Variants in MTERF3 observed in about 807,000 individuals in gnomAD.
MTERF3 encodes the protein transcription termination factor 3, mitochondrial.
Under a neutral mutation model 40.5 loss-of-function variants are expected in MTERF3, and 40 were observed. That is an observed-to-expected ratio of 0.99 (90% confidence interval 0.77 to 1.29). The LOEUF is 1.29. Among genes scored for constraint, MTERF3 ranks in the 50% most tolerant of loss-of-function variants. The probability of loss-of-function intolerance (pLI) is 0.00; values close to 1 mark genes in which losing one functional copy is unlikely to be tolerated. For missense variants in MTERF3, 452 were observed against 478.2 expected (o/e 0.95, Z 0.51); for synonymous variants, 158 against 166.6 (o/e 0.95, Z 0.40).
intron 1 of MTERF3, among the ~76,000 whole-genome samples, chr8:96,261,194 G>A (rs919081565): frequency 6.6e-6 from 1 of 152,174 alleles, no homozygotes; most frequent in African/African-American, 2.4e-5. Context: ...GAGGTTATGG[G>A]GGCAGCTTCC....
chr8:96,240,976 C>G (rs1809916763), intron 7 of MTERF3, among the ~76,000 whole-genome samples: 1 of 152,154 alleles, frequency 6.6e-6, no homozygotes. Flanking sequence ...AGAACATCTC[C>G]CTTCTCAGTC....
intron 3 of MTERF3, among the ~76,000 whole-genome samples, chr8:96,254,726 G>A (rs1810250226): frequency 6.6e-6 from 1 of 152,120 alleles, no homozygotes; most frequent in African/African-American, 2.4e-5. Flanking sequence ...CTTCATCCTT[G>A]CATTCCAGTT....
intron 4 of MTERF3, among the ~76,000 whole-genome samples, chr8:96,250,500 C>G (rs1182621587): frequency 6.9e-6 from 1 of 144,464 alleles, no homozygotes; most frequent in Non-Finnish European, 1.6e-5. Context: ...CACTTGAGGT[C>G]AGGAGTTCGA....
intron 4 of MTERF3, among the ~76,000 whole-genome samples, chr8:96,250,257 CA>C (rs1209813463): frequency 6.7e-6 from 1 of 148,640 alleles, no homozygotes; most frequent in Non-Finnish European, 1.5e-5. Context: ...ATTGGCCAGA[CA>C]AAAACTACAA....
chr8:96,241,909 C>T (rs1809937867), intron 7 of MTERF3, among the ~76,000 whole-genome samples: 2 of 152,142 alleles, frequency 1.3e-5, no homozygotes, highest in African/African-American at 4.8e-5. Context: ...CTTTCCTTAG[C>T]CTAGTGATTT....
At chr8:96,240,632 C>G (rs972791933) in intron 7 of MTERF3, among the ~76,000 whole-genome samples, 1 of 152,146 alleles carries the variant, frequency 6.6e-6, no homozygotes, top group African/African-American at 2.4e-5. Context: ...CAGCCAGCTA[C>G]AGAAAGAAGA....
chr8:96,253,028 T>C (rs1810214284), intron 3 of MTERF3, among the ~76,000 whole-genome samples: 1 of 152,218 alleles, frequency 6.6e-6, no homozygotes, highest in Admixed American at 6.5e-5. Context: ...TAATACACGA[T>C]TCTAACCTCT....
intron 7 of MTERF3, among the ~76,000 whole-genome samples, chr8:96,242,714 A>C (rs1273405118): frequency 7.2e-5 from 11 of 152,188 alleles, no homozygotes; most frequent in African/African-American, 2.7e-4. Flanking sequence ...CCGCTTCTAA[A>C]TCACTGTAGG....
At chr8:96,242,984 T>C (rs1433156377) in intron 7 of MTERF3, among the ~76,000 whole-genome samples, 3 of 152,354 alleles carry the variant, frequency 2.0e-5, no homozygotes, top group African/African-American at 4.8e-5. Context: ...TTCACAAAAC[T>C]GTAGGCTTCT....
In MTERF3 at chr8:96,246,958, C is replaced by T. The variant is rs150868564; in HGVS notation, c.678-504G>A. ...TTTTTAGGTTAGTATATTTACTGAG[C>T]CCCTCCCCTCCCCTCTTCTATTCTT... On this transcript the variant is annotated intron_variant, in intron 4 of 7. Transcript: ENST00000287025. 1.2e-3 allele frequency among the ~76,000 whole-genome samples: 178 copies of T among 151,662 alleles called. 1 individual carries two copies. Among genetic ancestry groups the T allele is most frequent in the Middle Eastern group, 3.4e-3 (1 of 292 alleles).
Position 96,250,659 on chromosome 8 carries a change from GAAGAAGAAGAAGA to G in MTERF3, c.677+234_677+246del, listed in dbSNP as rs1810149401. Among the ~76,000 whole-genome samples the G allele has an allele frequency of 6.2e-5, 2 of 32,322 alleles. 1 individual carries two copies. Among genetic ancestry groups the G allele is most frequent in the African/African-American group, 2.4e-4 (2 of 8,308 alleles). 21.2% of individuals were successfully genotyped at this position (32,322 alleles called of 152,430 possible). Reference sequence around the variant, plus strand: ...AGAAGAAGAAGAAGAAGAAGAAGAAGAAGAAGAAGAAGAAGAAGAAGAAGGAGGAGGAGGAGGG... The same window carrying G: ...AGAAGAAGAAGAAGAAGAAGAAGAAGAGAAGAAGAAGGAGGAGGAGGAGGG... On this transcript the variant is annotated intron_variant, in intron 4 of 7. Coordinates refer to ENST00000287025, the MANE Select transcript of MTERF3 (RefSeq NM_015942.5).
chr8:96,250,499 TCAGGAGTTCGAGAACAGCCTGGCCA>T (rs1483527637), intron 4 of MTERF3, among the ~76,000 whole-genome samples: 7 of 144,168 alleles, frequency 4.9e-5, no homozygotes, highest in African/African-American at 1.5e-4. Context: ...TCACTTGAGG[TCAGGAGTTCGAGAACAGCCTGGCCA>T]ATGTGGCGAA....
At chr8:96,244,358 C>A (rs1809984252) in intron 6 of MTERF3, among the ~76,000 whole-genome samples, 1 of 152,066 alleles carries the variant, frequency 6.6e-6, no homozygotes, top group Non-Finnish European at 1.5e-5. Flanking sequence ...ATCCACCCAC[C>A]TTGGCCTCCC....
At chr8:96,245,988 G>A (rs1410528947) in intron 5 of MTERF3, 57 bp from the exon 6 acceptor site, 4 of 1,443,960 alleles carry the variant, frequency 2.8e-6, no homozygotes, top group East Asian at 2.3e-5. Context: ...TAACTAGTTT[G>A]GAAAATTAAG....
intron 4 of MTERF3, among the ~76,000 whole-genome samples, chr8:96,249,658 G>C (rs1810087555): frequency 6.6e-6 from 1 of 152,174 alleles, no homozygotes; most frequent in African/African-American, 2.4e-5. Flanking sequence ...CTGAAATGTA[G>C]TAAGGATCAA....
chr8:96,250,683 G>GAAGAAGAA lies in MTERF3; in HGVS notation c.677+222_677+223insTTCTTCTT, dbSNP rs1479466031. Among the ~76,000 whole-genome samples, 10 of 58,928 alleles carry GAAGAAGAA rather than the reference G, an allele frequency of 1.7e-4. 2 individuals carry two copies. The highest frequency in any genetic ancestry group is 3.9e-4 in the East Asian group (1 of 2,546). 38.7% of individuals were successfully genotyped at this position (58,928 alleles called of 152,430 possible). A position where few individuals can be genotyped will look rare whatever the true frequency, so the allele number is the denominator to read the frequency against. ...AGAAGAAGAAGAAGAAGAAGAAGAA[G>GAAGAAGAA]GAGGAGGAGGAGGGGGGGAGGGGGA... On this transcript the variant is annotated intron_variant, in intron 4 of 7. Transcript: ENST00000287025.
chr8:96,247,624 T>G (rs943023389), intron 4 of MTERF3, among the ~76,000 whole-genome samples: 1 of 152,186 alleles, frequency 6.6e-6, no homozygotes. Context: ...CAGGCATGCC[T>G]ACATCTAAAG....
intron 4 of MTERF3, among the ~76,000 whole-genome samples, chr8:96,250,612 AGGC>A (rs1370950495): frequency 1.5e-4 from 9 of 59,156 alleles, no homozygotes; most frequent in African/African-American, 3.4e-4. Context: ...TGGGAGGCTG[AGGC>A]AGAAGAAGAA....
intron 7 of MTERF3, 41 bp downstream of exon 7, chr8:96,243,878 G>A (rs372260480): frequency 1.5e-4 from 237 of 1,594,650 alleles, no homozygotes; most frequent in African/African-American, 2.8e-4. Flanking sequence ...CAAATGAAGC[G>A]CAATGGCAGC....
Sources: gnomAD v4.1 joint callset for allele counts (sites outside exome capture counted in the v4.1 genomes callset) on GRCh38, gnomAD v4.1.1 for gene constraint, MANE v1.5 for transcripts, NCBI Gene and HGNC (gene_info 2026-07-23, HGNC 2026-07-21) for gene names.